Variants in GNAL observed in about 807,000 individuals in gnomAD.
GNAL encodes G protein subunit alpha L.
In GNAL, 18 loss-of-function variants were observed where a neutral mutation model predicts 55.1. That is an observed-to-expected ratio of 0.33 (90% CI 0.23 to 0.48). The LOEUF (loss-of-function observed/expected upper bound fraction) is 0.48, where lower values mean the gene tolerates loss of function less well. Among genes scored for constraint, GNAL ranks in the 20% least tolerant of loss-of-function variants. The pLI, the probability that GNAL is intolerant of heterozygous loss-of-function variation, is 0.99. For synonymous variants in GNAL, 253 were observed against 237.0 expected, an observed-to-expected ratio of 1.07 and a Z score of -0.62; for missense variants, 412 against 614.1, an observed-to-expected ratio of 0.67 and a Z score of 3.48.
At chr18:11,709,557 T>C (rs1396640153) in intron 1 of GNAL, among the ~76,000 whole-genome samples, 3 of 152,134 alleles carry the variant, frequency 2.0e-5, no homozygotes, top group Non-Finnish European at 4.4e-5. Flanking sequence ...TTTGTTATTT[T>C]TGATGTTGTT....
At chr18:11,838,791 G>A (rs1344730973) in intron 5 of GNAL, among the ~76,000 whole-genome samples, 1 of 152,170 alleles carries the variant, frequency 6.6e-6, no homozygotes, top group East Asian at 1.9e-4. Context: ...ATCAGTTTAA[G>A]AGAGAAAGGC....
intron 1 of GNAL, among the ~76,000 whole-genome samples, chr18:11,727,009 G>C (rs1287482411): frequency 1.3e-5 from 2 of 151,798 alleles, no homozygotes; most frequent in African/African-American, 4.8e-5. Flanking sequence ...CCAGGAACCA[G>C]GCTGCTTGGG....
intron 4 of GNAL, among the ~76,000 whole-genome samples, chr18:11,774,130 C>T (rs184194554): frequency 1.1e-3 from 169 of 152,284 alleles, no homozygotes; most frequent in African/African-American, 3.9e-3. Flanking sequence ...CACCCTTCAC[C>T]ATGCGTAATG....
At position 11,862,379 on chromosome 18, in the gene GNAL, C is replaced by T; in HGVS notation, c.723-16C>T. ...GGCAGAGAACAGGCCTCAACCCTTG[C>T]TGGCTTTCTTTGCAGCTTCCTGGAA... On this transcript the variant is annotated splice_polypyrimidine_tract_variant and intron_variant, in intron 5 of 11. Transcript: ENST00000334049. 1 of 1,612,078 alleles carries T rather than the reference C, an allele frequency of 6.2e-7. No homozygotes were observed. The highest frequency in any genetic ancestry group is 8.5e-7 in the Non-Finnish European group (1 of 1,178,158).
In GNAL at chr18:11,873,154, G is replaced by A. The variant is rs149755206; in HGVS notation, c.1162+756G>A. 3.2e-4 allele frequency among the ~76,000 whole-genome samples: 49 copies of A among 152,338 alleles called. No homozygotes were observed. In the East Asian group the frequency reaches 7.5e-3, roughly 23 times the overall value. On this transcript the variant is annotated intron_variant, in intron 10 of 11. Transcript: ENST00000334049. ...GAGTGATTTAAGGTGAAATAACACC[G>A]CTTCTTACATCTTGAATTCCAAACT...
intron 1 of GNAL, among the ~76,000 whole-genome samples, chr18:11,732,851 C>T (rs764442549): frequency 6.6e-6 from 1 of 152,194 alleles, no homozygotes; most frequent in Non-Finnish European, 1.5e-5. Context: ...CTACAGCAAT[C>T]ACATAAGCAG....
chr18:11,833,900 C>G (rs74561217), intron 5 of GNAL, among the ~76,000 whole-genome samples: 2,543 of 152,282 alleles, frequency 0.017, 68 homozygotes, highest in African/African-American at 0.059. Context: ...GAAGACAAGT[C>G]CCCTGGTGAG....
intron 5 of GNAL, among the ~76,000 whole-genome samples, chr18:11,830,123 C>G (rs2035345560): frequency 6.6e-6 from 1 of 152,102 alleles, no homozygotes; most frequent in Non-Finnish European, 1.5e-5. Context: ...CCCTCATCTC[C>G]TTGACGGGTC....
intron 5 of GNAL, among the ~76,000 whole-genome samples, chr18:11,826,365 AGAGGAG>A (rs60409657): frequency 1.6e-4 from 3 of 19,228 alleles, no homozygotes; most frequent in East Asian, 1.8e-3. Context: ...GGGGGAAGGA[AGAGGAG>A]GAGGAGGAGG....
At chr18:11,880,288 G>A (rs1392005897) in intron 11 of GNAL, among the ~76,000 whole-genome samples, 1 of 149,382 alleles carries the variant, frequency 6.7e-6, no homozygotes, top group Non-Finnish European at 1.5e-5. Flanking sequence ...AGCTAATTAG[G>A]TGGGGCACAG....
intron 4 of GNAL, among the ~76,000 whole-genome samples, chr18:11,805,709 G>A (rs868071910): frequency 6.6e-6 from 1 of 152,182 alleles, no homozygotes; most frequent in African/African-American, 2.4e-5. Flanking sequence ...TGGCCAAAAA[G>A]TATTCTATTG....
chr18:11,790,631 TTTTTC>T (rs930704325), intron 4 of GNAL, among the ~76,000 whole-genome samples: 20 of 150,596 alleles, frequency 1.3e-4, no homozygotes, highest in African/African-American at 3.4e-4. Context: ...TGGCTGATGG[TTTTTC>T]TTTTCTTTTC....
intron 5 of GNAL, chr18:11,851,629 A>G (rs1383199965): frequency 5.0e-6 from 8 of 1,614,026 alleles, no homozygotes; most frequent in Middle Eastern, 1.6e-4. Context: ...TAAAAAGGCC[A>G]TTCAGAAGGG....
Position 11,802,681 on chromosome 18 carries a change from A to G in GNAL, c.625-22237A>G, listed in dbSNP as rs1598472379. Among the ~76,000 whole-genome samples the G allele has an allele frequency of 2.0e-5, 3 of 152,366 alleles. No individual in the cohort carries two copies. The South Asian group carries it at 6.2e-4, about 32-fold the overall frequency. ...ACTATGAATTAAAAGCTTCTTATGA[A>G]GCTGAGTCTCTGTTAGGAGAAACAA... On this transcript the variant is annotated intron_variant, in intron 4 of 11. Transcript: ENST00000334049.
At chr18:11,823,578 T>C (rs766851103) in intron 4 of GNAL, among the ~76,000 whole-genome samples, 17 of 152,220 alleles carry the variant, frequency 1.1e-4, no homozygotes, top group Non-Finnish European at 2.4e-4. Flanking sequence ...GCCTTCCAAA[T>C]TGTGAGCATT....
At chr18:11,859,034 C>G (rs761498661) in intron 5 of GNAL, among the ~76,000 whole-genome samples, 3 of 152,154 alleles carry the variant, frequency 2.0e-5, no homozygotes, top group Non-Finnish European at 4.4e-5. Flanking sequence ...TCTACTTAGA[C>G]TAGTTATTAT....
chr18:11,703,346 T>C (rs2031623204), intron 1 of GNAL, among the ~76,000 whole-genome samples: 1 of 152,238 alleles, frequency 6.6e-6, no homozygotes, highest in Non-Finnish European at 1.5e-5. Context: ...TATGCTCTAA[T>C]TGATATATGT....
intron 6 of GNAL, among the ~76,000 whole-genome samples, chr18:11,863,985 G>C (rs1369017554): frequency 1.3e-5 from 2 of 151,874 alleles, no homozygotes; most frequent in African/African-American, 4.8e-5. Context: ...ATGATTTTAA[G>C]TCTTAAAACA....
Position 11,752,256 on chromosome 18 carries a change from T to C in GNAL, c.377-597T>C, listed in dbSNP as rs375003350. ...CAGCCATTTAGTTGGGAGTTTGCGG[T>C]GGGCAGGGGGAGGGAGAAGAAACGC... On this transcript the variant is annotated intron_variant, in intron 1 of 11. Coordinates refer to ENST00000334049, the MANE Select transcript of GNAL (RefSeq NM_182978.4). The surrounding 1 kb of genome is among the most constrained non-coding windows in gnomAD (Gnocchi z 4.5). The C allele has an allele frequency of 9.8e-6, 13 of 1,325,398 alleles. No individual in the cohort carries two copies. In the East Asian group the frequency reaches 1.2e-4, roughly 12 times the overall value. 82.1% of individuals were successfully genotyped at this position (1,325,398 alleles called of 1,614,324 possible). A position where few individuals can be genotyped will look rare whatever the true frequency, so the allele number is the denominator to read the frequency against.
Sources: gnomAD v4.1 joint callset for allele counts (sites outside exome capture counted in the v4.1 genomes callset) on GRCh38, gnomAD v4.1.1 for gene constraint, Gnocchi (gnomAD v3.1) non-coding constraint, MANE v1.5 for transcripts, NCBI Gene and HGNC (gene_info 2026-07-23, HGNC 2026-07-21) for gene names.